Variants in CSMD1 observed in about 807,000 individuals in gnomAD.
The protein encoded by CSMD1 is CUB and Sushi multiple domains 1, also known as CUB and sushi domain-containing protein 1.
Under a neutral mutation model 417.5 loss-of-function variants are expected in CSMD1, and 213 were observed. That is an observed-to-expected ratio of 0.51 (90% CI 0.46 to 0.57). The LOEUF (loss-of-function observed/expected upper bound fraction) is 0.57, where lower values mean the gene tolerates loss of function less well. Among genes scored for constraint, CSMD1 ranks in the 20% least tolerant of loss-of-function variants. The pLI, the probability that CSMD1 is intolerant of heterozygous loss-of-function variation, is 0.00. For synonymous variants in CSMD1, 2,862 were observed against 1,736.8 expected, an observed-to-expected ratio of 1.65 and a Z score of -16.11; for missense variants, 6,923 against 4,529.7, an observed-to-expected ratio of 1.53 and a Z score of -15.17.
chr8:3,413,783 C>T (rs930389254), intron 12 of CSMD1, among the ~76,000 whole-genome samples: 2 of 152,072 alleles, frequency 1.3e-5, no homozygotes, highest in Non-Finnish European at 2.9e-5. Context: ...GACAATGATA[C>T]AGTATGTGTG....
chr8:3,236,630 C>G (rs892017091), intron 26 of CSMD1, among the ~76,000 whole-genome samples: 3 of 152,312 alleles, frequency 2.0e-5, no homozygotes, highest in African/African-American at 7.2e-5. Flanking sequence ...AACTGCTTTT[C>G]CACTTCAGGC....
intron 2 of CSMD1, among the ~76,000 whole-genome samples, chr8:4,453,713 C>A (rs372527182): frequency 6.6e-6 from 1 of 151,834 alleles, no homozygotes; most frequent in African/African-American, 2.4e-5. Flanking sequence ...GCACAGGCAT[C>A]ACAGCGGGCT....
At chr8:3,204,023 G>A (rs1454898106) in intron 31 of CSMD1, among the ~76,000 whole-genome samples, 3 of 152,086 alleles carry the variant, frequency 2.0e-5, no homozygotes, top group South Asian at 2.1e-4. Context: ...GAGATTAATT[G>A]TTTAGTTAAT....
intron 49 of CSMD1, among the ~76,000 whole-genome samples, chr8:3,085,277 T>C (rs114534245): frequency 0.019 from 2,927 of 152,158 alleles, 51 homozygotes; most frequent in Middle Eastern, 0.054. Context: ...TCAAAATGCA[T>C]GAAGAAAAAA....
intron 3 of CSMD1, among the ~76,000 whole-genome samples, chr8:4,120,369 C>G (rs1802414022): frequency 1.3e-5 from 2 of 152,150 alleles, no homozygotes; most frequent in South Asian, 4.1e-4. Flanking sequence ...CAGATTCTTA[C>G]TTAGACTAAT....
chr8:4,302,069 A>G (rs763593951), intron 3 of CSMD1, among the ~76,000 whole-genome samples: 36 of 152,222 alleles, frequency 2.4e-4, no homozygotes, highest in Non-Finnish European at 4.3e-4. Context: ...ATTTTCCACA[A>G]ACTTTATGAA....
chr8:4,282,257 T>A (rs1295952770), intron 3 of CSMD1, among the ~76,000 whole-genome samples: 3 of 152,172 alleles, frequency 2.0e-5, no homozygotes, highest in African/African-American at 7.2e-5. Context: ...GTGAATATAA[T>A]CCATGTGAAC....
intron 3 of CSMD1, among the ~76,000 whole-genome samples, chr8:4,374,980 T>A (rs1024911819): frequency 3.2e-5 from 1 of 31,486 alleles, no homozygotes; most frequent in Non-Finnish European, 6.7e-5. Flanking sequence ...GGGGCGATAG[T>A]GGGGGTACGG....
At chr8:3,682,516 G>A (rs772349137) in intron 7 of CSMD1, among the ~76,000 whole-genome samples, 1 of 152,148 alleles carries the variant, frequency 6.6e-6, no homozygotes, top group African/African-American at 2.4e-5. Flanking sequence ...CAGTTGGAAT[G>A]GCGATCATTA....
intron 1 of CSMD1, among the ~76,000 whole-genome samples, chr8:4,798,596 T>G (rs183907066): frequency 6.6e-6 from 1 of 152,298 alleles, no homozygotes; most frequent in Admixed American, 6.5e-5. Flanking sequence ...CCACACTGTG[T>G]GTTGGAATGC....
At chr8:3,924,898 C>T (rs1287064982) in intron 5 of CSMD1, among the ~76,000 whole-genome samples, 1 of 152,084 alleles carries the variant, frequency 6.6e-6, no homozygotes, top group Non-Finnish European at 1.5e-5. Context: ...CTTTGTTTTG[C>T]TATTTTGGTA....
intron 1 of CSMD1, among the ~76,000 whole-genome samples, chr8:4,705,457 C>G (rs1807870747): frequency 6.6e-6 from 1 of 152,152 alleles, no homozygotes. Flanking sequence ...AAAGTGTGCT[C>G]ACATAGTCTT....
intron 3 of CSMD1, among the ~76,000 whole-genome samples, chr8:4,167,220 C>T (rs77578630): frequency 0.014 from 2,133 of 152,064 alleles, 46 homozygotes; most frequent in African/African-American, 0.047. Flanking sequence ...TTGGAAAATC[C>T]TGATTTTAGG....
chr8:3,240,822 C>A (rs1053445569), intron 26 of CSMD1, among the ~76,000 whole-genome samples: 4 of 152,038 alleles, frequency 2.6e-5, no homozygotes, highest in Admixed American at 2.0e-4. Flanking sequence ...CCTGAACTAA[C>A]CTGTAAGGCT....
chr8:4,963,636 T>A (rs141958898), intron 1 of CSMD1, among the ~76,000 whole-genome samples: 185 of 152,330 alleles, frequency 1.2e-3, no homozygotes, highest in African/African-American at 4.4e-3. Flanking sequence ...TGATCTCAGG[T>A]GGAAGATAAT....
chr8:4,028,780 G>C (rs1362454699), intron 4 of CSMD1, among the ~76,000 whole-genome samples: 2 of 152,184 alleles, frequency 1.3e-5, no homozygotes, highest in African/African-American at 4.8e-5. Context: ...TATAATCCAA[G>C]TGAAGTTTTT....
intron 57 of CSMD1, among the ~76,000 whole-genome samples, chr8:2,971,053 T>C (rs1332739562): frequency 6.6e-6 from 1 of 152,226 alleles, no homozygotes; most frequent in Non-Finnish European, 1.5e-5. Context: ...GACAACTCTT[T>C]AGAGTTAAAT....
intron 23 of CSMD1, among the ~76,000 whole-genome samples, chr8:3,339,566 A>G (rs1373722474): frequency 6.6e-6 from 1 of 152,192 alleles, no homozygotes; most frequent in Non-Finnish European, 1.5e-5. Flanking sequence ...TAATTGACGA[A>G]GCTGGTCCAT....
chr8:2,997,966 G>T, intron 54 of CSMD1, 45 bp downstream of exon 54: 1 of 1,582,164 alleles, frequency 6.3e-7, no homozygotes, highest in Admixed American at 1.7e-5. Flanking sequence ...GGGCAGCCTA[G>T]AACACTCTCA....
Sources: allele counts gnomAD v4.1 joint callset (sites outside exome capture counted in the v4.1 genomes callset), GRCh38; gene constraint gnomAD v4.1.1; transcripts MANE v1.5; gene names NCBI Gene and HGNC (gene_info 2026-07-23, HGNC 2026-07-21).